Variants in PPL observed in about 807,000 individuals in gnomAD.
PPL encodes the protein 190 kDa paraneoplastic pemphigus antigen.
A neutral mutation model predicts 194.4 loss-of-function variants in PPL; 198 were observed. The ratio of observed to expected loss-of-function variants is 1.02; its 90% CI spans 0.91 to 1.15. The LOEUF is 1.15. Among genes scored for constraint, PPL ranks in the 50% most tolerant of loss-of-function variants. PPL has a pLI of 0.00. For synonymous variants in PPL, 1,220 were observed against 972.4 expected (o/e 1.25, Z -4.74); for missense variants, 2,885 against 2,294.8 (o/e 1.26, Z -5.25).
intron 12 of PPL, among the ~76,000 whole-genome samples, chr16:4,894,264 G>C (rs979161749): frequency 6.6e-6 from 1 of 152,190 alleles, no homozygotes; most frequent in African/African-American, 2.4e-5. Context: ...ACGAAGCCCA[G>C]AGCTAGACAT....
rs956317774 is a variant in PPL, at chr16:4,893,127, C to T, written c.1650+86G>A. The stretch of plus-strand genomic sequence containing the variant: ...CAGCTGCAGTGAATATCCCAAGACT[C>T]CATGGGGAAAAGACCTCAAATAGGG... On this transcript the variant is annotated intron_variant, in intron 14 of 21. Coordinates refer to ENST00000345988, the MANE Select transcript of PPL (RefSeq NM_002705.5). 2.9e-6 allele frequency: 4 copies of T among 1,402,586 alleles called. No homozygotes were observed. In the African/African-American group the frequency reaches 4.3e-5, roughly 15 times the overall value. The allele number at this position is 1,402,586 out of a possible 1,614,324, so 86.9% of individuals were successfully genotyped here.
intron 18 of PPL, among the ~76,000 whole-genome samples, 182 bp from the exon 19 acceptor site, chr16:4,889,243 T>TGG (rs1567992809): frequency 0.019 from 398 of 20,452 alleles, 39 homozygotes; most frequent in African/African-American, 0.034. Context: ...TTGTTGTTGT[T>TGG]TTTTTTTTTT....
At chr16:4,932,715 GC>G (rs1385703590) in intron 1 of PPL, among the ~76,000 whole-genome samples, 6 of 152,158 alleles carry the variant, frequency 3.9e-5, no homozygotes, top group African/African-American at 1.4e-4. Flanking sequence ...ACCGCGCCCA[GC>G]CCGTCATGAC....
chr16:4,900,595 G>A (rs2088543777), intron 6 of PPL, among the ~76,000 whole-genome samples: 1 of 151,546 alleles, frequency 6.6e-6, no homozygotes, highest in African/African-American at 2.4e-5. Context: ...ATGCCACCAA[G>A]CCCAGCTAAT....
chr16:4,933,053 G>C (rs528340057), intron 1 of PPL, among the ~76,000 whole-genome samples: 1 of 151,640 alleles, frequency 6.6e-6, no homozygotes, highest in East Asian at 1.9e-4. Context: ...CCAGGCTGGA[G>C]TGCAGTAGCA....
At position 4,900,820 on chromosome 16, in the gene PPL, A is replaced by T. The variant is rs1235014714; in HGVS notation, c.606+10T>A. The T allele has an allele frequency of 6.2e-7, 1 of 1,613,732 alleles. No individual in the cohort carries two copies. ...TCCCCATGAGGCCTTTCCCCCAGGG[A>T]GCTCCTCACCAGCAGTTTCTGGTAC... On this transcript the variant is annotated intron_variant, in intron 6 of 21. Transcript: ENST00000345988.
In PPL at chr16:4,884,326, A is replaced by G; in HGVS notation, c.4329T>C (p.His1443=). 1 of 1,612,944 alleles carries G rather than the reference A, an allele frequency of 6.2e-7. No individual in the cohort carries two copies. ...CCTGCTGCAGCACCACCTTCTGCGT[A>G]TGGGTTACCTTCTCACGGGCCTCAG... The part of the protein sequence containing the change: ...EEAEAREKVT[H]TQKVVLQQDP... Residue 1443 remains histidine, a synonymous_variant, in exon 22 of 22, where the codon CAT becomes CAC. Coordinates refer to ENST00000345988, the MANE Select transcript of PPL (RefSeq NM_002705.5). This position sits in a 1 kb window ranked among gnomAD's most constrained non-coding sequence, Gnocchi z 5.7.
chr16:4,929,548 G>A (rs765503034), intron 1 of PPL, among the ~76,000 whole-genome samples: 2 of 152,068 alleles, frequency 1.3e-5, no homozygotes, highest in African/African-American at 4.8e-5. Flanking sequence ...CCACCACCAC[G>A]GTTTGGTTGA....
Position 4,891,818 on chromosome 16 carries a change from T to A in PPL, c.1961A>T (p.Glu654Val). 6 of 1,611,078 alleles carry A rather than the reference T, an allele frequency of 3.7e-6. No homozygotes were observed. Among genetic ancestry groups the A allele is most frequent in the Non-Finnish European group, 5.1e-6 (6 of 1,178,888 alleles). ...SSRVLDSKGQ[E>V]LAAMACELQA... ...CTTGGGCCCTAGACTCACCGCCAGC[T>A]CCTGCCCCTTGCTGTCCAGGACACG... The change falls in exon 16 of 22, where the codon GAG becomes GTG. Residue 654 changes from glutamate to valine, a missense_variant. Physicochemically the swap from Glu to Val is moderately radical, Grantham distance 121 (BLOSUM62 -2). Transcript: ENST00000345988.
intron 1 of PPL, among the ~76,000 whole-genome samples, chr16:4,927,717 G>T (rs949577019): frequency 1.3e-5 from 2 of 152,214 alleles, no homozygotes; most frequent in African/African-American, 4.8e-5. Context: ...AAGATGAGAA[G>T]GTTGCTGGTG....
At chr16:4,897,179 A>G (rs2088446970) in intron 9 of PPL, among the ~76,000 whole-genome samples, 1 of 151,514 alleles carries the variant, frequency 6.6e-6, no homozygotes, top group Non-Finnish European at 1.5e-5. Context: ...TACTGAAAAT[A>G]CAAAAATTAG....
Position 4,899,438 on chromosome 16 carries a change from C to T in PPL, c.607-54G>A, listed in dbSNP as rs1033778036. The stretch of plus-strand genomic sequence containing the variant: ...GCGTCCTCAGCCCGCTGCCACTGCT[C>T]GCTTCCTTCCCTACCTCCTGCAGGG... On this transcript the variant is annotated intron_variant, in intron 6 of 21. Transcript: ENST00000345988. 8 of 1,549,328 alleles carry T rather than the reference C, an allele frequency of 5.2e-6. No homozygotes were observed. In the Admixed American group the frequency reaches 5.4e-5, roughly 10 times the overall value.
At chr16:4,904,246 A>C (rs1402087496) in intron 2 of PPL, among the ~76,000 whole-genome samples, 1 of 152,218 alleles carries the variant, frequency 6.6e-6, no homozygotes, top group Non-Finnish European at 1.5e-5. Flanking sequence ...TTTGCAAAGC[A>C]GGTATTTCTC....
intron 2 of PPL, among the ~76,000 whole-genome samples, chr16:4,907,308 TCACACACACACACACACACACA>T (rs56210938): frequency 4.1e-5 from 6 of 145,636 alleles, no homozygotes; most frequent in Admixed American, 1.4e-4. Flanking sequence ...ATATCTAATC[TCACACACACACACACACACACA>T]CACACACACA....
chr16:4,896,944 G>A (rs2088442049), intron 9 of PPL, among the ~76,000 whole-genome samples: 1 of 151,908 alleles, frequency 6.6e-6, no homozygotes, highest in East Asian at 1.9e-4. Context: ...CAGGGTATAG[G>A]GTTTCTGTTT....
intron 19 of PPL, 166 bp downstream of exon 19, chr16:4,888,812 G>T: frequency 1.4e-6 from 1 of 690,100 alleles, no homozygotes; most frequent in Non-Finnish European, 2.6e-6. Flanking sequence ...CTAGTACCAT[G>T]CTGTTTTCCC....
rs1447971749 is a variant in PPL, at chr16:4,887,240, G to A, written c.2515-13C>T. The A allele has an allele frequency of 1.2e-6, 2 of 1,603,256 alleles. No individual in the cohort carries two copies. The highest frequency in any genetic ancestry group is 2.2e-5 in the East Asian group (1 of 44,822). On this transcript the variant is annotated splice_polypyrimidine_tract_variant and intron_variant, in intron 20 of 21. Coordinates refer to ENST00000345988, the MANE Select transcript of PPL (RefSeq NM_002705.5). ...CAAGTGCTGCTTCCTGCAGAGAAGA[G>A]GATTAGGAGAGCGGTCAACAAACAG... is the stretch of plus-strand genomic sequence containing the variant.
chr16:4,930,534 CTCAT>C (rs796826066), intron 1 of PPL, among the ~76,000 whole-genome samples: 6 of 152,184 alleles, frequency 3.9e-5, no homozygotes, highest in Non-Finnish European at 4.4e-5. Flanking sequence ...ATGGCTTACT[CTCAT>C]TCATTCATTC....
In PPL at chr16:4,888,316, T is replaced by G. The variant is rs2088251945; in HGVS notation, c.2398-98A>C. On this transcript the variant is annotated intron_variant, in intron 19 of 21. Coordinates refer to ENST00000345988, the MANE Select transcript of PPL (RefSeq NM_002705.5). ...TTCAGGCTGACCCAGACCTGCCCTG[T>G]GCCATGTGCTGGTTTTATAATCTGC... The G allele has an allele frequency of 1.3e-5, 11 of 818,862 alleles. No individual in the cohort carries two copies. In the Admixed American group the frequency reaches 2.1e-4, roughly 16 times the overall value. The allele number at this position is 818,862 out of a possible 1,614,324, so 50.7% of individuals were successfully genotyped here.
Sources: allele counts gnomAD v4.1 joint callset (sites outside exome capture counted in the v4.1 genomes callset), GRCh38; gene constraint gnomAD v4.1.1; non-coding constraint Gnocchi (gnomAD v3.1); transcripts MANE v1.5; gene names NCBI Gene and HGNC (gene_info 2026-07-23, HGNC 2026-07-21).